Variants in MPPED2 observed in about 807,000 individuals in gnomAD.
MPPED2 encodes the protein metallophosphoesterase MPPED2.
Under a neutral mutation model 33.0 loss-of-function variants are expected in MPPED2, and 5 were observed. The ratio of observed to expected loss-of-function variants is 0.15; its 90% confidence interval spans 0.08 to 0.32. The LOEUF is 0.32. Ranked by LOEUF, MPPED2 falls within the 10% of genes least tolerant of loss-of-function variation. The probability of loss-of-function intolerance (pLI) is 1.00; values close to 1 mark genes in which losing one functional copy is unlikely to be tolerated. For missense variants in MPPED2, 275 were observed against 372.1 expected (o/e 0.74, Z 2.15); for synonymous variants, 136 against 141.9 (o/e 0.96, Z 0.29).
intron 4 of MPPED2, among the ~76,000 whole-genome samples, chr11:30,420,775 T>C (rs1404968905): frequency 6.6e-6 from 1 of 152,182 alleles, no homozygotes; most frequent in African/African-American, 2.4e-5. Context: ...TTCTCTCTCT[T>C]GTCCTTTAAG....
intron 3 of MPPED2, among the ~76,000 whole-genome samples, chr11:30,521,738 C>T (rs886522012): frequency 6.6e-6 from 1 of 152,158 alleles, no homozygotes; most frequent in Non-Finnish European, 1.5e-5. Context: ...AATATAACAT[C>T]AGTCGTTTCC....
chr11:30,399,192 A>T (rs1370693262), intron 6 of MPPED2, among the ~76,000 whole-genome samples: 1 of 152,046 alleles, frequency 6.6e-6, no homozygotes, highest in East Asian at 1.9e-4. Flanking sequence ...CATTGTGAAG[A>T]CCTAATCACC....
At chr11:30,437,385 C>A (rs1284511160) in intron 4 of MPPED2, among the ~76,000 whole-genome samples, 2 of 152,206 alleles carry the variant, frequency 1.3e-5, no homozygotes, top group Non-Finnish European at 2.9e-5. Context: ...AGACAGATTT[C>A]CTTGTGTTGT....
At chr11:30,420,507 A>G (rs1157110136) in intron 4 of MPPED2, among the ~76,000 whole-genome samples, 2 of 152,246 alleles carry the variant, frequency 1.3e-5, no homozygotes, top group African/African-American at 2.4e-5. Flanking sequence ...TAGAGCAGAA[A>G]TAGAAAATTG....
intron 2 of MPPED2, among the ~76,000 whole-genome samples, chr11:30,567,851 G>A (rs1469481890): frequency 6.6e-6 from 1 of 152,192 alleles, no homozygotes; most frequent in Non-Finnish European, 1.5e-5. Flanking sequence ...AAGGAGCTAA[G>A]TGTTTATTAA....
intron 6 of MPPED2, chr11:30,389,002 G>A: frequency 6.6e-7 from 1 of 1,507,780 alleles, no homozygotes; most frequent in Non-Finnish European, 8.9e-7. Context: ...AGAGAGAGAT[G>A]AACATGACCT....
At chr11:30,485,821 C>A (rs1028344424) in intron 4 of MPPED2, among the ~76,000 whole-genome samples, 90 of 152,296 alleles carry the variant, frequency 5.9e-4, no homozygotes, top group African/African-American at 2.1e-3. Context: ...TATAGATGAA[C>A]CCTTGAGAGG....
At chr11:30,464,888 T>C (rs1950645440) in intron 4 of MPPED2, among the ~76,000 whole-genome samples, 1 of 152,198 alleles carries the variant, frequency 6.6e-6, no homozygotes, top group African/African-American at 2.4e-5. Flanking sequence ...ACCACGGATA[T>C]CTATCACAGG....
In MPPED2 at chr11:30,450,558, A is replaced by T. The variant is rs117382917; in HGVS notation, c.537-32925T>A. Among the ~76,000 whole-genome samples the T allele has an allele frequency of 1.5e-3, 227 of 152,324 alleles. 1 individual carries two copies. The highest frequency in any genetic ancestry group is 3.4e-3 in the Middle Eastern group (1 of 294). ...GCAAATGGGGGAACTGGGATTTTTG[A>T]CAATAGCTGACTCTGGTTCCAAAAC... On this transcript the variant is annotated intron_variant, in intron 4 of 6. Coordinates refer to ENST00000358117, the MANE Select transcript of MPPED2 (RefSeq NM_001584.3).
chr11:30,585,564 G>T (rs1386996719), intron 1 of MPPED2, among the ~76,000 whole-genome samples: 1 of 152,044 alleles, frequency 6.6e-6, no homozygotes, highest in Non-Finnish European at 1.5e-5. Context: ...CTAGTAAACA[G>T]CTCGCTGAGC....
Position 30,495,509 on chromosome 11 carries a change from T to C in MPPED2, c.323A>G (p.Tyr108Cys), listed in dbSNP as rs1952210330. Residue 108 changes from tyrosine to cysteine, a missense_variant, in exon 4 of 7, where the codon TAT becomes TGT. Tyr to Cys is a radical substitution (Grantham distance 194, BLOSUM62 -2). Transcript: ENST00000358117. ...CCCAGCAATCACTATTTTATATTCA[T>C]ATGGCAGGTTTCCTGAAATAAGAAA... is the stretch of plus-strand genomic sequence containing the variant. ...KFNDWLGNLP[Y>C]EYKIVIAGNH... is the part of the protein sequence containing the mutation. The C allele has an allele frequency of 6.2e-7, 1 of 1,613,362 alleles. No individual in the cohort carries two copies. The highest frequency in any genetic ancestry group is 8.5e-7 in the Non-Finnish European group (1 of 1,179,532).
chr11:30,513,779 GA>G (rs549561062), intron 3 of MPPED2, among the ~76,000 whole-genome samples: 1 of 152,004 alleles, frequency 6.6e-6, no homozygotes, highest in Non-Finnish European at 1.5e-5. Flanking sequence ...AAGAATGAAA[GA>G]AAAGAGAACA....
chr11:30,452,927 A>G (rs1361881458), intron 4 of MPPED2, among the ~76,000 whole-genome samples: 1 of 152,094 alleles, frequency 6.6e-6, no homozygotes, highest in Non-Finnish European at 1.5e-5. Flanking sequence ...AGATGGAGAC[A>G]TTGCAGAAAG....
intron 2 of MPPED2, among the ~76,000 whole-genome samples, chr11:30,567,143 T>C (rs1426760231): frequency 6.6e-6 from 1 of 152,174 alleles, no homozygotes; most frequent in African/African-American, 2.4e-5. Flanking sequence ...CCAGACGGTT[T>C]TGAAGACCTT....
Position 30,573,735 on chromosome 11 carries a change from A to G in MPPED2, c.128+6511T>C, listed in dbSNP as rs896043791. Among the ~76,000 whole-genome samples, 5 of 152,210 alleles carry G rather than the reference A, an allele frequency of 3.3e-5. No homozygotes were observed. The East Asian group carries it at 9.6e-4, about 29-fold the overall frequency. ...TTTGGTTACATGGATAAATTGTTATAGTGATGAAATCTGAGATTTTAGTGC... is the reference window on the plus strand; with the variant it reads ...TTTGGTTACATGGATAAATTGTTATGGTGATGAAATCTGAGATTTTAGTGC... On this transcript the variant is annotated intron_variant, in intron 2 of 6. Transcript: ENST00000358117.
chr11:30,457,909 T>G (rs1323389721), intron 4 of MPPED2, among the ~76,000 whole-genome samples: 1 of 152,152 alleles, frequency 6.6e-6, no homozygotes, highest in Non-Finnish European at 1.5e-5. Context: ...TCCTAACACA[T>G]TAAATTCCTA....
At chr11:30,401,119 A>T (rs550816897) in intron 6 of MPPED2, among the ~76,000 whole-genome samples, 54 of 152,316 alleles carry the variant, frequency 3.5e-4, no homozygotes, top group Middle Eastern at 6.8e-3. Context: ...TATACATATC[A>T]TGTCCCCCAA....
intron 2 of MPPED2, 33 bp downstream of exon 2, chr11:30,580,213 G>T: frequency 6.3e-7 from 1 of 1,588,452 alleles, no homozygotes; most frequent in Non-Finnish European, 8.6e-7. Flanking sequence ...TTTCTTGATT[G>T]CTAATTTTGT....
chr11:30,454,435 T>G (rs1256230636), intron 4 of MPPED2, among the ~76,000 whole-genome samples: 1 of 152,022 alleles, frequency 6.6e-6, no homozygotes, highest in African/African-American at 2.4e-5. Context: ...ATTTTTTGTA[T>G]GTGTGGGGGT....
Sources: gnomAD v4.1 joint callset for allele counts (sites outside exome capture counted in the v4.1 genomes callset) on GRCh38, gnomAD v4.1.1 for gene constraint, MANE v1.5 for transcripts, NCBI Gene and HGNC (gene_info 2026-07-23, HGNC 2026-07-21) for gene names.